Variants in ANK3 observed in about 807,000 individuals in gnomAD.
ANK3 encodes the protein ankyrin 3.
Under a neutral mutation model 370.9 loss-of-function variants are expected in ANK3, and 57 were observed. That is an observed-to-expected ratio of 0.15 (90% confidence interval 0.12 to 0.19). The LOEUF is 0.19. Among genes scored for constraint, ANK3 ranks in the 10% least tolerant of loss-of-function variants. The pLI is 1.00. For missense variants in ANK3, 4,439 were observed against 5,302.1 expected (o/e 0.84, Z 5.06); for synonymous variants, 1,929 against 1,946.3 (o/e 0.99, Z 0.23).
At chr10:60,132,809 G>T (rs554258040) in intron 25 of ANK3, among the ~76,000 whole-genome samples, 38 of 77,216 alleles carry the variant, frequency 4.9e-4, no homozygotes, top group Middle Eastern at 6.0e-3. Context: ...TAGAGACGGG[G>T]TTTCACCACG....
chr10:60,172,966 C>T lies in ANK3; in HGVS notation c.2316G>A (p.Gln772=), dbSNP rs143430852. ...CATTTATTATATGCGTATGCCCCTGCTGTGCTGCTTGATGTAATGGCGTAT... is the reference window on the plus strand; with the variant it reads ...CATTTATTATATGCGTATGCCCCTGTTGTGCTGCTTGATGTAATGGCGTAT... ...NGYTPLHQAA[Q]QGHTHIINVL... is the part of the protein sequence containing the mutation. The change falls in exon 20 of 44, where the codon CAG becomes CAA. Residue 772 remains glutamine (Q), a synonymous_variant. Coordinates refer to ENST00000280772, the MANE Select transcript of ANK3 (RefSeq NM_020987.5). The T allele has an allele frequency of 4.0e-4, 644 of 1,613,818 alleles. 3 individuals are homozygous for T. In the African/African-American group the frequency reaches 7.8e-3, roughly 20 times the overall value.
chr10:60,467,264 C>A (rs75020387), intron 2 of ANK3, among the ~76,000 whole-genome samples: 2 of 152,070 alleles, frequency 1.3e-5, no homozygotes, highest in African/African-American at 2.4e-5. Flanking sequence ...GAGAAAAGAG[C>A]AAACTCAAAC....
At chr10:60,238,723 C>G (rs1024502006) in intron 7 of ANK3, among the ~76,000 whole-genome samples, 7 of 152,104 alleles carry the variant, frequency 4.6e-5, no homozygotes, top group African/African-American at 1.7e-4. Context: ...CAGCCTTCCA[C>G]TGAGGAATCT....
At chr10:60,477,796 AC>A (rs2075112253) in intron 2 of ANK3, among the ~76,000 whole-genome samples, 1 of 152,076 alleles carries the variant, frequency 6.6e-6, no homozygotes, top group African/African-American at 2.4e-5. Context: ...ATTCTAAAAA[AC>A]ATTTACCAAA....
At chr10:60,723,548 T>C (rs2079894973) in intron 1 of ANK3, among the ~76,000 whole-genome samples, 1 of 152,170 alleles carries the variant, frequency 6.6e-6, no homozygotes, top group South Asian at 2.1e-4. Flanking sequence ...TCTCTCCAGC[T>C]TCTATACCTA....
chr10:60,348,375 A>C (rs1478680373), intron 1 of ANK3, among the ~76,000 whole-genome samples: 36 of 143,200 alleles, frequency 2.5e-4, no homozygotes, highest in East Asian at 2.4e-3. Context: ...AAAAAACACA[A>C]AAAACAAAAA....
intron 1 of ANK3, among the ~76,000 whole-genome samples, chr10:60,616,341 C>T (rs912972237): frequency 6.6e-6 from 1 of 151,984 alleles, no homozygotes; most frequent in Non-Finnish European, 1.5e-5. Context: ...AGAAAATGTG[C>T]CAAGCACAAA....
At chr10:60,368,290 A>G (rs2059659108) in intron 1 of ANK3, among the ~76,000 whole-genome samples, 2 of 152,148 alleles carry the variant, frequency 1.3e-5, no homozygotes, top group Non-Finnish European at 1.5e-5. Context: ...TCTGGCTACC[A>G]TGAGATCCAA....
chr10:60,116,399 T>A (rs1342434481), intron 25 of ANK3, among the ~76,000 whole-genome samples: 2 of 152,148 alleles, frequency 1.3e-5, no homozygotes, highest in African/African-American at 2.4e-5. Flanking sequence ...AATGAGCTTA[T>A]TAATGAGTAG....
intron 40 of ANK3, chr10:60,061,956 A>G (rs1233247974): frequency 6.6e-6 from 1 of 152,140 alleles, no homozygotes; most frequent in Non-Finnish European, 1.5e-5. Flanking sequence ...CACCATCATC[A>G]AATTTTCTAC....
chr10:60,296,671 A>C (rs191495984), intron 1 of ANK3, among the ~76,000 whole-genome samples: 24 of 152,264 alleles, frequency 1.6e-4, no homozygotes, highest in Admixed American at 1.5e-3. Context: ...ATAATGAGCA[A>C]GTCACAGTCT....
chr10:60,198,478 C>T lies in ANK3; in HGVS notation c.1551G>A (p.Gln517=). The change falls in exon 14 of 44, where the codon CAG becomes CAA. Residue 517 remains glutamine (Q), a synonymous_variant. Coordinates refer to ENST00000280772, the MANE Select transcript of ANK3 (RefSeq NM_020987.5). ...TTGGAGATGCCCCTTGCTGCAACAG[C>T]TGTTGTACTATGTCTGCTTTCCCCA... ...ARLGKADIVQ[Q]LLQQGASPNA... is the part of the protein sequence containing the mutation. The T allele has an allele frequency of 2.5e-6, 4 of 1,614,174 alleles. No individual in the cohort carries two copies. The highest frequency in any genetic ancestry group is 3.4e-6 in the Non-Finnish European group (4 of 1,180,030).
chr10:60,340,295 G>A (rs1027907248), intron 1 of ANK3, among the ~76,000 whole-genome samples: 3 of 152,170 alleles, frequency 2.0e-5, no homozygotes, highest in Admixed American at 6.5e-5. Flanking sequence ...CTATAATGGC[G>A]TGATTATAGC....
intron 2 of ANK3, among the ~76,000 whole-genome samples, chr10:60,600,535 G>T (rs1346570191): frequency 6.6e-6 from 1 of 151,970 alleles, no homozygotes; most frequent in Non-Finnish European, 1.5e-5. Flanking sequence ...TCTCTAAAAT[G>T]ATCTTTTCCA....
At chr10:60,242,628 T>C (rs1392827485) in intron 7 of ANK3, among the ~76,000 whole-genome samples, 1 of 152,200 alleles carries the variant, frequency 6.6e-6, no homozygotes, top group Non-Finnish European at 1.5e-5. Flanking sequence ...GAGCTGATAC[T>C]GAGAATGTGC....
At chr10:60,270,072 G>A in intron 5 of ANK3, 59 bp downstream of exon 5, 1 of 1,172,650 alleles carries the variant, frequency 8.5e-7, no homozygotes, top group Non-Finnish European at 1.2e-6. Context: ...ACAACTCCAG[G>A]TTTTCAAAAT....
intron 23 of ANK3, among the ~76,000 whole-genome samples, chr10:60,152,562 C>A (rs2095178615): frequency 6.6e-6 from 1 of 152,116 alleles, no homozygotes; most frequent in Admixed American, 6.5e-5. Context: ...CTAATCATGG[C>A]AAACTACTGA....
At chr10:60,400,731 G>C (rs946753145) in intron 2 of ANK3, among the ~76,000 whole-genome samples, 1 of 151,964 alleles carries the variant, frequency 6.6e-6, no homozygotes, top group African/African-American at 2.4e-5. Context: ...TAAGTTCTTG[G>C]GTGCATGTGC....
chr10:60,512,435 C>T (rs777706338), intron 2 of ANK3, among the ~76,000 whole-genome samples: 3 of 152,114 alleles, frequency 2.0e-5, no homozygotes, highest in Non-Finnish European at 4.4e-5. Context: ...TTTAAGATAC[C>T]ACCAATTGGG....
Sources: gnomAD v4.1 joint callset for allele counts (sites outside exome capture counted in the v4.1 genomes callset) on GRCh38, gnomAD v4.1.1 for gene constraint, MANE v1.5 for transcripts, NCBI Gene and HGNC (gene_info 2026-07-23, HGNC 2026-07-21) for gene names.